The following AHNAK variants were observed in gnomAD, a reference collection of about 807,000 sequenced individuals.
AHNAK encodes neuroblast differentiation-associated protein AHNAK.
In AHNAK, 23 loss-of-function variants were observed where a neutral mutation model predicts 37.8. The ratio of observed to expected loss-of-function variants is 0.61; its 90% confidence interval spans 0.44 to 0.86. AHNAK has a LOEUF of 0.86. Ranked by LOEUF, AHNAK falls within the 40% of genes least tolerant of loss-of-function variation. The pLI is 0.00. For missense variants in AHNAK, 7,411 were observed against 7,319.4 expected, an observed-to-expected ratio of 1.01 and a Z score of -0.46; for synonymous variants, 2,481 against 2,636.3, an observed-to-expected ratio of 0.94 and a Z score of 1.80.
intron 5 of AHNAK, among the ~76,000 whole-genome samples, chr11:62,485,212 A>G (rs1351267697): frequency 6.6e-6 from 1 of 152,152 alleles, no homozygotes; most frequent in Non-Finnish European, 1.5e-5. Context: ...CAGTCTGGGC[A>G]CCATAGTGAG....
At chr11:62,486,152 A>G (rs1407066470) in intron 5 of AHNAK, among the ~76,000 whole-genome samples, 2 of 152,096 alleles carry the variant, frequency 1.3e-5, no homozygotes, top group African/African-American at 2.4e-5. Flanking sequence ...CACTTATATG[A>G]GGTACCTAGA....
Position 62,533,741 on chromosome 11 carries a change from C to G in AHNAK, c.676G>C (p.Ala226Pro). 6.2e-7 allele frequency: 1 copy of G among 1,614,204 alleles called. No homozygotes were observed. Among genetic ancestry groups the G allele is most frequent in the African/African-American group, 1.3e-5 (1 of 75,042 alleles). ...GGTCCTGAAGCAGAAATGGCCCCTGCTCGGATATCCACAGCAGAGCCTGTC... is the reference window on the plus strand; with the variant it reads ...GGTCCTGAAGCAGAAATGGCCCCTGGTCGGATATCCACAGCAGAGCCTGTC... Reference protein sequence around the residue: ...SPTGSAVDIRAGAISASGPEL... With the variant: ...SPTGSAVDIRPGAISASGPEL... Residue 226 changes from alanine (A) to proline (P), a missense_variant, in exon 5 of 5, where the codon GCA becomes CCA. Coordinates refer to ENST00000378024, the MANE Select transcript of AHNAK (RefSeq NM_001620.3).
Position 62,529,758 on chromosome 11 carries a change from C to G in AHNAK, c.4659G>C (p.Val1553=). 6.2e-7 allele frequency: 1 copy of G among 1,614,140 alleles called. No homozygotes were observed. The highest frequency in any genetic ancestry group is 2.2e-5 in the East Asian group (1 of 44,880). ...GPKVDIDVPD[V]NLEAPEGKLK... Reference sequence around the variant, plus strand: ...GTTTCCCCTCTGGAGCTTCAAGATTCACATCTGGAACATCAATGTCCACCT... The same window carrying G: ...GTTTCCCCTCTGGAGCTTCAAGATTGACATCTGGAACATCAATGTCCACCT... The change falls in exon 5 of 5, where the codon GTG becomes GTC. Residue 1553 remains valine (V), a synonymous_variant. Transcript: ENST00000378024.
rs1309763496 is a variant in AHNAK, at chr11:62,532,323, G to A, written c.2094C>T (p.Ser698=). ...PDMSVKTPKI[S]MPDVDLHVKG... ...TCACGTGCAAATCTACATCAGGCAT[G>A]GAGATCTTTGGTGTCTTGACACTCA... Residue 698 remains serine (S), a synonymous_variant, in exon 5 of 5, where the codon TCC becomes TCT. Transcript: ENST00000378024. 1.2e-6 allele frequency: 2 copies of A among 1,614,060 alleles called. No homozygotes were observed. The highest frequency in any genetic ancestry group is 2.7e-5 in the African/African-American group (2 of 74,916).
intron 5 of AHNAK, among the ~76,000 whole-genome samples, chr11:62,441,749 ACCTCGG>A (rs944610794): frequency 5.3e-5 from 8 of 151,796 alleles, no homozygotes; most frequent in Non-Finnish European, 1.5e-5. Flanking sequence ...TAATCCACCC[ACCTCGG>A]CCTCCCAAAA....
At chr11:62,503,933 G>A (rs536192266) in intron 4 of AHNAK, among the ~76,000 whole-genome samples, 2 of 152,100 alleles carry the variant, frequency 1.3e-5, no homozygotes, top group African/African-American at 4.8e-5. Flanking sequence ...GGCCGAGGCG[G>A]GTGGATCACC....
In AHNAK at chr11:62,517,992, A is replaced by G. The variant is rs751059199; in HGVS notation, c.16425T>C (p.Thr5475=). ...CAATGCCTGGAAGACCTCCTCCGAC[A>G]GTGGGGCCTTTGATCTCACCAGTGG... ...LGATGEIKGP[T]VGGGLPGIGV... Residue 5475 remains threonine, a synonymous_variant, in exon 5 of 5, where the codon ACT becomes ACC. Transcript: ENST00000378024. The G allele has an allele frequency of 2.5e-6, 4 of 1,614,044 alleles. No individual in the cohort carries two copies. The African/African-American group carries it at 5.3e-5, about 22-fold the overall frequency.
rs1424830956 is a variant in AHNAK, at chr11:62,522,085, T to C, written c.12332A>G (p.Lys4111Arg). Residue 4111 changes from lysine (K) to arginine (R), a missense_variant, in exon 5 of 5, where the codon AAA becomes AGA. By Grantham distance (26) the Lys-to-Arg change is conservative. Transcript: ENST00000378024. Reference protein sequence around the residue: ...PDIDIHGPEGKLKGPKFKMPD... With the variant: ...PDIDIHGPEGRLKGPKFKMPD... Reference sequence around the variant, plus strand: ...CATTTTAAATTTGGGGCCCTTCAGTTTCCCTTCTGGACCATGAATATCAAT... The same window carrying C: ...CATTTTAAATTTGGGGCCCTTCAGTCTCCCTTCTGGACCATGAATATCAAT... The C allele has an allele frequency of 6.2e-7, 1 of 1,613,876 alleles. No individual in the cohort carries two copies. Among genetic ancestry groups the C allele is most frequent in the African/African-American group, 1.3e-5 (1 of 74,840 alleles).
intron 5 of AHNAK, among the ~76,000 whole-genome samples, chr11:62,437,470 T>A (rs59096303): frequency 0.13 from 20,307 of 152,112 alleles, 1,641 homozygotes; most frequent in Middle Eastern, 0.2. Flanking sequence ...TTCTCCTGCC[T>A]CAGCCTCCTG....
At position 62,478,872 on chromosome 11, in the gene AHNAK, T is replaced by TTTTG. The variant is rs541606235; in HGVS notation, c.442+12856_442+12859dup. ...TTGATGACACTGTTTCACTAATTTT[T>TTTTG]TTTGTTTGTTTGTTTGTTTCTAAAA... On this transcript the variant is annotated intron_variant, in intron 5 of 5. Transcript: ENST00000257247. Among the ~76,000 whole-genome samples the TTTTG allele has an allele frequency of 1.5e-3, 232 of 152,164 alleles. 1 individual carries two copies. Among genetic ancestry groups the TTTTG allele is most frequent in the African/African-American group, 5.3e-3 (218 of 41,516 alleles).
At chr11:62,544,240 G>A (rs1275065358) in intron 1 of AHNAK, among the ~76,000 whole-genome samples, 1 of 152,136 alleles carries the variant, frequency 6.6e-6, no homozygotes, top group African/African-American at 2.4e-5. Flanking sequence ...CTGGGCTGAC[G>A]CTGGACCTTC....
intron 4 of AHNAK, among the ~76,000 whole-genome samples, chr11:62,497,891 G>A (rs1275756605): frequency 1.3e-5 from 2 of 151,980 alleles, no homozygotes; most frequent in African/African-American, 2.4e-5. Flanking sequence ...TTGAACCTGG[G>A]AAGCAGAGGT....
Position 62,464,042 on chromosome 11 carries a change from A to G in AHNAK, c.442+27690T>C, listed in dbSNP as rs188217385. On this transcript the variant is annotated intron_variant, in intron 5 of 5. Transcript: ENST00000257247. ...CTCAGCCTCCCAAAGTGCTGGGATTACAGGCTTGAGCTACCGTGCCCGATG... is the reference window on the plus strand; with the variant it reads ...CTCAGCCTCCCAAAGTGCTGGGATTGCAGGCTTGAGCTACCGTGCCCGATG... Among the ~76,000 whole-genome samples the G allele has an allele frequency of 4.2e-3, 635 of 151,282 alleles. 4 individuals are homozygous for G. Among genetic ancestry groups the G allele is most frequent in the Non-Finnish European group, 6.8e-3 (464 of 67,874 alleles).
chr11:62,480,096 T>C (rs1254287125), intron 5 of AHNAK, among the ~76,000 whole-genome samples: 1 of 152,134 alleles, frequency 6.6e-6, no homozygotes. Flanking sequence ...CCCTGCCACC[T>C]GCCAGGAAGG....
intron 4 of AHNAK, among the ~76,000 whole-genome samples, chr11:62,495,793 A>T (rs1432847666): frequency 6.6e-6 from 1 of 151,604 alleles, no homozygotes; most frequent in Non-Finnish European, 1.5e-5. Context: ...TCATGCCTGT[A>T]ATCCCAGAAC....
intron 4 of AHNAK, among the ~76,000 whole-genome samples, chr11:62,506,614 T>C (rs1363011868): frequency 1.3e-5 from 2 of 152,196 alleles, no homozygotes; most frequent in East Asian, 1.9e-4. Context: ...GGCCTGCATT[T>C]TCCTAGCTGC....
intron 1 of AHNAK, among the ~76,000 whole-genome samples, chr11:62,537,673 G>T (rs1039040684): frequency 6.6e-6 from 1 of 151,312 alleles, no homozygotes; most frequent in Non-Finnish European, 1.5e-5. Context: ...GCTTGGACCC[G>T]AGTCTGTAAC....
intron 5 of AHNAK, among the ~76,000 whole-genome samples, chr11:62,479,813 T>A (rs969828185): frequency 3.9e-5 from 6 of 152,206 alleles, no homozygotes; most frequent in Admixed American, 2.6e-4. Flanking sequence ...CTGCATGCAA[T>A]CTTGTCCTTT....
At position 62,524,520 on chromosome 11, in the gene AHNAK, G is replaced by A; in HGVS notation, c.9897C>T (p.Asp3299=). The change falls in exon 5 of 5, where the codon GAC becomes GAT. Residue 3299 remains aspartate, a synonymous_variant. Coordinates refer to ENST00000378024, the MANE Select transcript of AHNAK (RefSeq NM_001620.3). ...TAAGCTTTGAGCCTTTCAAATTCAA[G>A]TCAATTTCTGGCATGGAGATCTTGG... ...NMPKISMPEI[D]LNLKGSKLKG... 1.2e-6 allele frequency: 2 copies of A among 1,614,126 alleles called. No individual in the cohort carries two copies. Among genetic ancestry groups the A allele is most frequent in the South Asian group, 1.1e-5 (1 of 91,078 alleles).
Sources: gnomAD v4.1 joint callset for allele counts (sites outside exome capture counted in the v4.1 genomes callset) on GRCh38, gnomAD v4.1.1 for gene constraint, MANE v1.5 for transcripts, NCBI Gene and HGNC (gene_info 2026-07-23, HGNC 2026-07-21) for gene names.